RAB24: variants seen among roughly 807,000 people sequenced by gnomAD.
RAB24 encodes ras-related protein Rab-24.
Under a neutral mutation model 31.4 loss-of-function variants are expected in RAB24, and 9 were observed. That is an observed-to-expected ratio of 0.29 (90% CI 0.17 to 0.50). RAB24 has a LOEUF of 0.50. RAB24 is among the 20% of genes least tolerant of loss of function. RAB24 has a pLI of 0.98. For missense variants in RAB24, 197 were observed against 265.2 expected (o/e 0.74, Z 1.79); for synonymous variants, 106 against 94.1 (o/e 1.13, Z -0.73).
chr5:177,302,699 A>G, intron 3 of RAB24, 53 bp downstream of exon 3: 1 of 1,611,464 alleles, frequency 6.2e-7, no homozygotes. Flanking sequence ...TTCTCTGGCT[A>G]GCCTGGCACC....
In RAB24 at chr5:177,303,392, C is replaced by A. The variant is rs1760754167; in HGVS notation, c.-104G>T. The A allele has an allele frequency of 3.7e-5, 41 of 1,094,112 alleles. 1 individual carries two copies. In the South Asian group the frequency reaches 5.6e-4, roughly 15 times the overall value. The allele number at this position is 1,094,112 out of a possible 1,614,324, so 67.8% of individuals were successfully genotyped here. A position where few individuals can be genotyped will look rare whatever the true frequency, so the allele number is the denominator to read the frequency against. ...AGCGCCCAAGCCTCAGACCCCGACCCCAAACGGCGCCAACCTACGACTCCA... is the reference window on the plus strand; with the variant it reads ...AGCGCCCAAGCCTCAGACCCCGACCACAAACGGCGCCAACCTACGACTCCA... On this transcript the variant is annotated 5_prime_UTR_variant, in exon 1 of 8. Coordinates refer to ENST00000303251, the MANE Select transcript of RAB24 (RefSeq NM_001031677.4). This position sits in a 1 kb window ranked among gnomAD's most constrained non-coding sequence, Gnocchi z 6.1.
chr5:177,302,684 G>T (rs1422914758), intron 3 of RAB24, 40 bp from the exon 4 acceptor site: 3 of 1,613,652 alleles, frequency 1.9e-6, no homozygotes, highest in African/African-American at 1.3e-5. Context: ...AGTGGTCAAG[G>T]GCTGTTCTCT....
At chr5:177,302,851 CA>C in intron 2 of RAB24, 21 bp from the exon 3 acceptor site, 1 of 1,610,436 alleles carries the variant, frequency 6.2e-7, no homozygotes, top group Non-Finnish European at 8.5e-7. Context: ...AGGCCTGAGT[CA>C]AACTTAAGGC....
chr5:177,302,008 C>A, intron 6 of RAB24, 21 bp from the exon 7 acceptor site: 1 of 1,613,874 alleles, frequency 6.2e-7, no homozygotes, highest in Non-Finnish European at 8.5e-7. Context: ...AAATGATGAT[C>A]AGCGAGGGCC....
At position 177,303,359 on chromosome 5, in the gene RAB24, GC is replaced by G; in HGVS notation, c.-72del. The G allele has an allele frequency of 1.4e-6, 2 of 1,473,858 alleles. No homozygotes were observed. The highest frequency in any genetic ancestry group is 9.4e-7 in the Non-Finnish European group (1 of 1,060,754). 91.3% of individuals were successfully genotyped at this position (1,473,858 alleles called of 1,614,324 possible). A position where few individuals can be genotyped will look rare whatever the true frequency, so the allele number is the denominator to read the frequency against. On this transcript the variant is annotated 5_prime_UTR_variant, in exon 1 of 8. Transcript: ENST00000303251. This position sits in a 1 kb window ranked among gnomAD's most constrained non-coding sequence, Gnocchi z 6.1. The stretch of plus-strand genomic sequence containing the variant: ...GGAGGCAAACCCCGATCTCCGCTCG[GC>G]CCAGGCAGCGCCCAAGCCTCAGACC...
At position 177,303,606 on chromosome 5, in the gene RAB24, G is replaced by A; in HGVS notation, c.-318C>T. The A allele has an allele frequency of 2.2e-6, 1 of 461,358 alleles. No individual in the cohort carries two copies. Among genetic ancestry groups the A allele is most frequent in the Non-Finnish European group, 3.9e-6 (1 of 258,154 alleles). 28.6% of individuals were successfully genotyped at this position (461,358 alleles called of 1,614,324 possible). A position where few individuals can be genotyped will look rare whatever the true frequency, so the allele number is the denominator to read the frequency against. On this transcript the variant is annotated 5_prime_UTR_variant, in exon 1 of 8. Transcript: ENST00000303251. The surrounding 1 kb of genome is among the most constrained non-coding windows in gnomAD (Gnocchi z 6.1). ...CGTGCAGCTCGCTACTCCGTCATTC[G>A]CTCGCCTGCCCGGCTTAAGCTCCGT...
rs375450643 is a variant in RAB24 at position 177,303,292 on chromosome 5, C to A, written c.-4G>T. 6.2e-7 allele frequency: 1 copy of A among 1,613,474 alleles called. No individual in the cohort carries two copies. The highest frequency in any genetic ancestry group is 1.1e-5 in the South Asian group (1 of 91,066). On this transcript the variant is annotated 5_prime_UTR_variant, in exon 1 of 8. Coordinates refer to ENST00000303251, the MANE Select transcript of RAB24 (RefSeq NM_001031677.4). The surrounding 1 kb of genome is among the most constrained non-coding windows in gnomAD (Gnocchi z 6.1). ...CGTCCACGCGCTGCCCGCTCATGCT[C>A]CCGGGGCCGCTTCAGCCACGTCAGG...
rs140117565 is a variant in RAB24, at chr5:177,301,291, C to T, written c.*452G>A. ...CTGTGAGCTTTTATACTACTACAGCCCCAGTATCTCAGCGGTAACCATGGG... is the reference window on the plus strand; with the variant it reads ...CTGTGAGCTTTTATACTACTACAGCTCCAGTATCTCAGCGGTAACCATGGG... On this transcript the variant is annotated 3_prime_UTR_variant, in exon 8 of 8. Transcript: ENST00000303251. The T allele has an allele frequency of 1.4e-4, 28 of 193,632 alleles. No homozygotes were observed. In the East Asian group the frequency reaches 3.5e-3, roughly 25 times the overall value. The allele number at this position is 193,632 out of a possible 1,614,324, so 12.0% of individuals were successfully genotyped here. A position where few individuals can be genotyped will look rare whatever the true frequency, so the allele number is the denominator to read the frequency against.
At position 177,302,735 on chromosome 5, in the gene RAB24, ACCCC is replaced by A. The variant is rs58443060; in HGVS notation, c.265+13_265+16del. 1.2e-4 allele frequency: 170 copies of A among 1,393,200 alleles called. No individual in the cohort carries two copies. In the African/African-American group the frequency reaches 1.9e-3, roughly 15 times the overall value. 86.3% of individuals were successfully genotyped at this position (1,393,200 alleles called of 1,614,324 possible). Reference sequence around the variant, plus strand: ...CATCTTTTCTTGTGAGACAGCCCAAACCCCCCCCCCCCTTACCATAGCAGACGAT... The same window carrying A: ...CATCTTTTCTTGTGAGACAGCCCAAACCCCCCCCTTACCATAGCAGACGAT... On this transcript the variant is annotated intron_variant, in intron 3 of 7. Coordinates refer to ENST00000303251, the MANE Select transcript of RAB24 (RefSeq NM_001031677.4).
chr5:177,303,363 A>C lies in RAB24; in HGVS notation c.-75T>G, dbSNP rs1581583649. The C allele has an allele frequency of 3.4e-6, 5 of 1,459,582 alleles. No homozygotes were observed. 90.4% of individuals were successfully genotyped at this position (1,459,582 alleles called of 1,614,324 possible). On this transcript the variant is annotated 5_prime_UTR_variant, in exon 1 of 8. Transcript: ENST00000303251. This position sits in a 1 kb window ranked among gnomAD's most constrained non-coding sequence, Gnocchi z 6.1. ...GCAAACCCCGATCTCCGCTCGGCCC[A>C]GGCAGCGCCCAAGCCTCAGACCCCG...
chr5:177,302,491 G>C lies in RAB24; in HGVS notation c.339C>G (p.Cys113Trp), dbSNP rs1263258885. 1 of 1,613,956 alleles carries C rather than the reference G, an allele frequency of 6.2e-7. No individual in the cohort carries two copies. Among genetic ancestry groups the C allele is most frequent in the Admixed American group, 1.7e-5 (1 of 60,018 alleles). Residue 113 changes from cysteine (C) to tryptophan (W), a missense_variant, in exon 5 of 8, where the codon TGC becomes TGG. Cys to Trp is a radical substitution (Grantham distance 215, BLOSUM62 -2). Around this residue, in one of 2 missense-constraint regions of RAB24, gnomAD observed 148 missense variants for 159.7 expected, o/e 0.93. Coordinates refer to ENST00000303251, the MANE Select transcript of RAB24 (RefSeq NM_001031677.4). ...VKELRSLEEG[C>W]QIYLCGTKSD... ...TCTTGGTGCCACATAAGTAGATTTG[G>C]CAGCCCTGAGGCAGAAGACAAGGGT...
Position 177,302,381 on chromosome 5 carries a change from G to A in RAB24, c.433+16C>T. The A allele has an allele frequency of 1.2e-6, 2 of 1,612,204 alleles. No homozygotes were observed. The highest frequency in any genetic ancestry group is 1.7e-6 in the Non-Finnish European group (2 of 1,179,488). ...GCCACACACCCCCACCCCCCAAAGGGCTGAGGAGCAGCTACTGTCTGCATA... is the reference window on the plus strand; with the variant it reads ...GCCACACACCCCCACCCCCCAAAGGACTGAGGAGCAGCTACTGTCTGCATA... On this transcript the variant is annotated intron_variant, in intron 5 of 7. Coordinates refer to ENST00000303251, the MANE Select transcript of RAB24 (RefSeq NM_001031677.4).
At chr5:177,302,041 T>G in intron 6 of RAB24, 54 bp from the exon 7 acceptor site, 2 of 1,610,582 alleles carry the variant, frequency 1.2e-6, no homozygotes, top group Non-Finnish European at 1.7e-6. Context: ...CCCTGGGATC[T>G]CCCAGTGACC....
At position 177,301,704 on chromosome 5, in the gene RAB24, G is replaced by C. The variant is rs878871699; in HGVS notation, c.*39C>G. 1.9e-6 allele frequency: 3 copies of C among 1,608,744 alleles called. No homozygotes were observed. The highest frequency in any genetic ancestry group is 1.3e-5 in the African/African-American group (1 of 74,774). ...AAGGAGCTGGGTCCAGCCCTTACGG[G>C]GAATTCCTTTAATTCCCCCAGGCCA... On this transcript the variant is annotated 3_prime_UTR_variant, in exon 8 of 8. Transcript: ENST00000303251.
chr5:177,303,365 G>C lies in RAB24; in HGVS notation c.-77C>G. On this transcript the variant is annotated 5_prime_UTR_variant, in exon 1 of 8. Coordinates refer to ENST00000303251, the MANE Select transcript of RAB24 (RefSeq NM_001031677.4). The surrounding 1 kb of genome is among the most constrained non-coding windows in gnomAD (Gnocchi z 6.1). ...AAACCCCGATCTCCGCTCGGCCCAG[G>C]CAGCGCCCAAGCCTCAGACCCCGAC... is the stretch of plus-strand genomic sequence containing the variant. The C allele has an allele frequency of 6.9e-7, 1 of 1,451,004 alleles. No individual in the cohort carries two copies. The highest frequency in any genetic ancestry group is 1.7e-5 in the Admixed American group (1 of 59,110). The allele number at this position is 1,451,004 out of a possible 1,614,324, so 89.9% of individuals were successfully genotyped here.
In RAB24 at chr5:177,303,289, G is replaced by C. The variant is rs1343750017; in HGVS notation, c.-1C>G. 3 of 1,613,354 alleles carry C rather than the reference G, an allele frequency of 1.9e-6. No individual in the cohort carries two copies. The highest frequency in any genetic ancestry group is 2.5e-6 in the Non-Finnish European group (3 of 1,179,926). ...TGACGTCCACGCGCTGCCCGCTCAT[G>C]CTCCCGGGGCCGCTTCAGCCACGTC... On this transcript the variant is annotated 5_prime_UTR_variant, in exon 1 of 8. Coordinates refer to ENST00000303251, the MANE Select transcript of RAB24 (RefSeq NM_001031677.4). The surrounding 1 kb of genome is among the most constrained non-coding windows in gnomAD (Gnocchi z 6.1).
rs1345516732 is a variant in RAB24, at chr5:177,302,454, C to A, written c.376G>T (p.Glu126Ter). The stretch of plus-strand genomic sequence containing the variant: ...ACACGTCGACGCCTCCGGTCTTCTT[C>A]CAGCAGGTCACTCTTGGTGCCACAT... ...YLCGTKSDLL[E>*]EDRRRRRVDF... is the part of the protein sequence containing the mutation. The change falls in exon 5 of 8, where the codon GAA becomes TAA. Residue 126 changes from glutamate (E) to a stop codon, truncating the protein, a stop_gained. Coordinates refer to ENST00000303251, the MANE Select transcript of RAB24 (RefSeq NM_001031677.4). LOFTEE classifies it high-confidence loss of function. 1 of 1,613,938 alleles carries A rather than the reference C, an allele frequency of 6.2e-7. No individual in the cohort carries two copies. The highest frequency in any genetic ancestry group is 2.2e-5 in the East Asian group (1 of 44,886).
chr5:177,302,503 C>G lies in RAB24; in HGVS notation c.334-7G>C. ...ATAAGTAGATTTGGCAGCCCTGAGG[C>G]AGAAGACAAGGGTCACCTCCACAGG... On this transcript the variant is annotated splice_region_variant and splice_polypyrimidine_tract_variant and intron_variant, in intron 4 of 7. Coordinates refer to ENST00000303251, the MANE Select transcript of RAB24 (RefSeq NM_001031677.4). The G allele has an allele frequency of 1.9e-6, 3 of 1,614,022 alleles. No homozygotes were observed. Among genetic ancestry groups the G allele is most frequent in the Admixed American group, 1.7e-5 (1 of 60,024 alleles).
At position 177,303,546 on chromosome 5, in the gene RAB24, C is replaced by T. The variant is rs1760760424; in HGVS notation, c.-258G>A. On this transcript the variant is annotated 5_prime_UTR_variant, in exon 1 of 8. Coordinates refer to ENST00000303251, the MANE Select transcript of RAB24 (RefSeq NM_001031677.4). The surrounding 1 kb of genome is among the most constrained non-coding windows in gnomAD (Gnocchi z 6.1). ...CAAGCCTCGGGGCGGCCTGGGAGCG[C>T]GCGGGACAGCGTCCTCAACAGCGCA... 1.7e-6 allele frequency: 1 copy of T among 574,592 alleles called. No homozygotes were observed. The highest frequency in any genetic ancestry group is 2.0e-5 in the South Asian group (1 of 49,014). 35.6% of individuals were successfully genotyped at this position (574,592 alleles called of 1,614,324 possible). A position where few individuals can be genotyped will look rare whatever the true frequency, so the allele number is the denominator to read the frequency against.
Sources: gnomAD v4.1 joint callset for allele counts on GRCh38, gnomAD v4.1.1 for gene constraint, gnomAD v4.1.1 regional missense constraint, Gnocchi (gnomAD v3.1) non-coding constraint, MANE v1.5 for transcripts, NCBI Gene and HGNC (gene_info 2026-07-23, HGNC 2026-07-21) for gene names.